The following GPHN variants were observed in gnomAD, a reference collection of about 807,000 sequenced individuals.
GPHN encodes gephyrin.
GPHN carries 17 observed loss-of-function variants against 95.5 expected under a neutral mutation model. That is an observed-to-expected ratio of 0.18 (90% CI 0.12 to 0.27). GPHN has a LOEUF of 0.27. Ranked by LOEUF, GPHN falls within the 10% of genes least tolerant of loss-of-function variation. The pLI is 1.00. For synonymous variants in GPHN, 320 were observed against 322.5 expected, an observed-to-expected ratio of 0.99 and a Z score of 0.08; for missense variants, 660 against 978.1, an observed-to-expected ratio of 0.67 and a Z score of 4.34.
At chr14:66,592,419 A>G (rs879176638) in intron 1 of GPHN, among the ~76,000 whole-genome samples, 1 of 151,862 alleles carries the variant, frequency 6.6e-6, no homozygotes, top group Non-Finnish European at 1.5e-5. Context: ...CAAAGGGCCA[A>G]TATCCAGAAT....
chr14:66,919,912 A>T (rs571135346), intron 6 of GPHN, among the ~76,000 whole-genome samples: 1 of 152,178 alleles, frequency 6.6e-6, no homozygotes, highest in East Asian at 1.9e-4. Context: ...TAAAAATAAA[A>T]AAAAACTAGC....
At chr14:66,714,791 T>C (rs546062370) in intron 2 of GPHN, among the ~76,000 whole-genome samples, 19 of 152,338 alleles carry the variant, frequency 1.2e-4, no homozygotes, top group South Asian at 6.2e-4. Context: ...TTGACTTGTG[T>C]ATGTTAAACC....
At chr14:67,116,114 C>T (rs1024634540) in intron 16 of GPHN, among the ~76,000 whole-genome samples, 1 of 151,930 alleles carries the variant, frequency 6.6e-6, no homozygotes, top group African/African-American at 2.4e-5. Context: ...CCAGCCTGGG[C>T]AACATGGCAA....
the GPHN span, among the ~76,000 whole-genome samples, chr14:67,653,098 T>C: frequency 6.6e-6 from 1 of 152,062 alleles, no homozygotes. Context: ...TGAGATTATA[T>C]AAATATATTT....
chr14:66,654,698 T>G (rs966437871), intron 1 of GPHN, among the ~76,000 whole-genome samples: 5 of 152,330 alleles, frequency 3.3e-5, no homozygotes, highest in Admixed American at 1.3e-4. Context: ...TGGATGGTGC[T>G]TTTTGTGTCA....
intron 11 of GPHN, among the ~76,000 whole-genome samples, chr14:67,059,191 T>C (rs1212751361): frequency 6.6e-6 from 1 of 152,134 alleles, no homozygotes; most frequent in Non-Finnish European, 1.5e-5. Context: ...TAATCATCTT[T>C]TTCTGTTTGG....
chr14:67,672,926 C>CTG, the GPHN span, among the ~76,000 whole-genome samples: 2 of 152,226 alleles, frequency 1.3e-5, no homozygotes, highest in Non-Finnish European at 2.9e-5. Flanking sequence ...ATGGAACTTC[C>CTG]TGCTCTTCGC....
intron 1 of GPHN, among the ~76,000 whole-genome samples, chr14:66,680,548 A>G (rs2066879111): frequency 6.6e-6 from 1 of 152,156 alleles, no homozygotes; most frequent in Non-Finnish European, 1.5e-5. Context: ...CCAGCTTACA[A>G]ATTATCAAGA....
the GPHN span, among the ~76,000 whole-genome samples, chr14:67,195,058 G>A: frequency 6.6e-6 from 1 of 152,300 alleles, no homozygotes; most frequent in East Asian, 1.9e-4. Flanking sequence ...GGGGTGTAGT[G>A]CACAGGTATC....
the GPHN span, chr14:67,359,556 C>T: frequency 7.5e-7 from 1 of 1,331,486 alleles, no homozygotes; most frequent in Non-Finnish European, 1.1e-6. Context: ...AGCTCAGGAT[C>T]CTCCCAGGAA....
rs2070559345 is a variant in GPHN, at chr14:66,719,886, T to G, written c.143+38701T>G. Among the ~76,000 whole-genome samples the G allele has an allele frequency of 2.6e-5, 4 of 152,348 alleles. No homozygotes were observed. The South Asian group carries it at 8.3e-4, about 32-fold the overall frequency. On this transcript the variant is annotated intron_variant, in intron 2 of 22. Transcript: ENST00000478722. ...GGTAATAACTGATACATTCAGGTAC[T>G]ACTAGTGACCATGTAAATCATAAAA...
chr14:67,492,891 G>A, the GPHN span, among the ~76,000 whole-genome samples: 1 of 152,232 alleles, frequency 6.6e-6, no homozygotes, highest in Admixed American at 6.5e-5. Context: ...AGGCAGGTGG[G>A]AGATCAGCAA....
At chr14:67,662,176 C>A in the GPHN span, among the ~76,000 whole-genome samples, 148 of 146,978 alleles carry the variant, frequency 1.0e-3, no homozygotes, top group Middle Eastern at 6.9e-3. Flanking sequence ...ACAACAACAA[C>A]AACAAAAAAA....
At chr14:67,293,096 CATT>C in the GPHN span, among the ~76,000 whole-genome samples, 1 of 151,986 alleles carries the variant, frequency 6.6e-6, no homozygotes, top group Non-Finnish European at 1.5e-5. Flanking sequence ...GATAATCAGG[CATT>C]ATATAACGCC....
chr14:67,729,466 G>C, the GPHN span: 1 of 1,348,102 alleles, frequency 7.4e-7, no homozygotes, highest in Admixed American at 1.7e-5. Flanking sequence ...GAGAAGCTGA[G>C]TTTGTGCCTG....
chr14:67,149,290 C>A (rs1336825835), intron 18 of GPHN, among the ~76,000 whole-genome samples: 2 of 152,130 alleles, frequency 1.3e-5, no homozygotes, highest in Non-Finnish European at 2.9e-5. Flanking sequence ...GTTGCAGTGA[C>A]CCCAGATCAT....
chr14:66,719,165 C>T (rs1423271495), intron 2 of GPHN, among the ~76,000 whole-genome samples: 1 of 152,170 alleles, frequency 6.6e-6, no homozygotes, highest in East Asian at 1.9e-4. Flanking sequence ...TTTAATTTTC[C>T]TGTTCAAGTT....
intron 1 of GPHN, among the ~76,000 whole-genome samples, chr14:66,635,533 T>C (rs901793967): frequency 9.2e-5 from 14 of 152,132 alleles, no homozygotes; most frequent in African/African-American, 3.1e-4. Context: ...TTATATACCA[T>C]TGTTTAACTG....
intron 3 of GPHN, among the ~76,000 whole-genome samples, chr14:66,804,506 C>G: frequency 6.6e-6 from 1 of 152,158 alleles, no homozygotes. Context: ...TACAATTGCT[C>G]CAAGGAGAAA....
Sources: allele counts gnomAD v4.1 joint callset (sites outside exome capture counted in the v4.1 genomes callset), GRCh38; gene constraint gnomAD v4.1.1; transcripts MANE v1.5; gene names NCBI Gene and HGNC (gene_info 2026-07-23, HGNC 2026-07-21).